The following SMIM29 variants were observed in gnomAD, a reference collection of about 807,000 sequenced individuals.
The protein encoded by SMIM29 is small integral membrane protein 29.
Under a neutral mutation model 12.9 loss-of-function variants are expected in SMIM29, and 4 were observed. The observed-to-expected ratio is 0.31, with a 90% CI of 0.15 to 0.71. The LOEUF (loss-of-function observed/expected upper bound fraction) is 0.71, where lower values mean the gene tolerates loss of function less well. Ranked by LOEUF, SMIM29 falls within the 30% of genes least tolerant of loss-of-function variation. SMIM29 has a pLI of 0.70. For synonymous variants in SMIM29, 50 were observed against 52.0 expected (o/e 0.96, Z 0.17); for missense variants, 122 against 138.1 (o/e 0.88, Z 0.58).
At chr6:34,247,558 C>T in intron 2 of SMIM29, 66 bp from the exon 3 acceptor site, 4 of 1,541,190 alleles carry the variant, frequency 2.6e-6, no homozygotes, top group East Asian at 2.4e-5. Flanking sequence ...AGAGAGAGGC[C>T]CACCTCCACA....
At chr6:34,248,003 G>T in intron 1 of SMIM29, 139 bp from the exon 2 acceptor site, 1 of 1,225,506 alleles carries the variant, frequency 8.2e-7, no homozygotes, top group Non-Finnish European at 1.0e-6. Context: ...AGATGTACTG[G>T]GTGTGACCCT....
At chr6:34,246,949 A>T in intron 4 of SMIM29, 81 bp from the exon 5 acceptor site, 1 of 1,604,622 alleles carries the variant, frequency 6.2e-7, no homozygotes, top group Non-Finnish European at 8.5e-7. Context: ...CCAAGTAAGC[A>T]GAACCAGGCT....
chr6:34,247,004 C>T (rs1367328262), intron 4 of SMIM29, 40 bp downstream of exon 4: 3 of 1,613,620 alleles, frequency 1.9e-6, no homozygotes, highest in African/African-American at 2.7e-5. Flanking sequence ...GGGCTGACTC[C>T]CACCTTGCCT....
rs1762863269 is a variant in SMIM29 at position 34,247,781 on chromosome 6, G to A, written c.11C>T (p.Thr4Ile). The change falls in exon 2 of 5, where the codon ACC becomes ATC. Residue 4 changes from threonine (T) to isoleucine (I), a missense_variant. Thr to Ile is a moderately conservative substitution (Grantham distance 89). Transcript: ENST00000476320. ...GGCCTGGGGGGCATTGGGCACAGTG[G>A]TGTTACTCATGACATCAGCAGCCGG... The part of the protein sequence containing the change: MSN[T>I]TVPNAPQANS... 1 of 1,320,492 alleles carries A rather than the reference G, an allele frequency of 7.6e-7. No homozygotes were observed. Among genetic ancestry groups the A allele is most frequent in the Admixed American group, 3.7e-5 (1 of 27,076 alleles). 81.8% of individuals were successfully genotyped at this position (1,320,492 alleles called of 1,614,324 possible). A position where few individuals can be genotyped will look rare whatever the true frequency, so the allele number is the denominator to read the frequency against.
chr6:34,248,653 T>G, intron 1 of SMIM29: 1 of 985,416 alleles, frequency 1.0e-6, no homozygotes, highest in Non-Finnish European at 1.2e-6. Context: ...TTCGCTTGAG[T>G]CTCTATCAGA....
In SMIM29 at chr6:34,246,737, A is replaced by G. The variant is rs183559588; in HGVS notation, c.*66T>C. On this transcript the variant is annotated 3_prime_UTR_variant, in exon 5 of 5. Coordinates refer to ENST00000476320, the MANE Select transcript of SMIM29 (RefSeq NM_001008703.4). The stretch of plus-strand genomic sequence containing the variant: ...GGGGGAGCCAGGTGACAGCAGGGGA[A>G]GCAGATGGCAGGGCCCCAGGCAGTC... 2.5e-4 allele frequency: 409 copies of G among 1,613,728 alleles called. 5 individuals are homozygous for G. In the East Asian group the frequency reaches 8.7e-3, roughly 34 times the overall value.
chr6:34,246,430 G>T lies in SMIM29; in HGVS notation c.*373C>A. 1 of 1,401,602 alleles carries T rather than the reference G, an allele frequency of 7.1e-7. No homozygotes were observed. The highest frequency in any genetic ancestry group is 9.6e-7 in the Non-Finnish European group (1 of 1,043,788). The allele number at this position is 1,401,602 out of a possible 1,614,324, so 86.8% of individuals were successfully genotyped here. A position where few individuals can be genotyped will look rare whatever the true frequency, so the allele number is the denominator to read the frequency against. ...ACATTTTATTTACAAAATATATACTGAATACTATACATCTGGCCCCATCAC... is the reference window on the plus strand; with the variant it reads ...ACATTTTATTTACAAAATATATACTTAATACTATACATCTGGCCCCATCAC... On this transcript the variant is annotated 3_prime_UTR_variant, in exon 5 of 5. Transcript: ENST00000476320.
At chr6:34,248,770 G>C in intron 1 of SMIM29, 1 of 985,774 alleles carries the variant, frequency 1.0e-6, no homozygotes, top group South Asian at 4.7e-5. Flanking sequence ...GCATGCCAGG[G>C]TGGGGAGGGC....
chr6:34,246,774 G>C lies in SMIM29; in HGVS notation c.*29C>G. ...GGCCCCAGGCAGTCCAGGACCCCAG[G>C]CTCTGAAGGGTGGGGCAAGGGGGTC... is the stretch of plus-strand genomic sequence containing the variant. On this transcript the variant is annotated 3_prime_UTR_variant, in exon 5 of 5. Transcript: ENST00000476320. 1 of 1,613,444 alleles carries C rather than the reference G, an allele frequency of 6.2e-7. No individual in the cohort carries two copies. Among genetic ancestry groups the C allele is most frequent in the Non-Finnish European group, 8.5e-7 (1 of 1,180,016 alleles).
chr6:34,248,364 T>C (rs546710729), intron 1 of SMIM29: 2 of 985,398 alleles, frequency 2.0e-6, no homozygotes, highest in East Asian at 2.3e-4. Flanking sequence ...ATGCCTGAGT[T>C]CTATGCCCTT....
In SMIM29 at chr6:34,246,576, G is replaced by C. The variant is rs758014703; in HGVS notation, c.*227C>G. ...CCAGAAGGAAAGCCTCTTCCCATGA[G>C]TGCCTGTGGGTGGGCGGTGAGCTCA... On this transcript the variant is annotated 3_prime_UTR_variant, in exon 5 of 5. Transcript: ENST00000476320. 2 of 1,604,988 alleles carry C rather than the reference G, an allele frequency of 1.2e-6. No individual in the cohort carries two copies.
At chr6:34,248,359 T>C in intron 1 of SMIM29, 1 of 985,082 alleles carries the variant, frequency 1.0e-6, no homozygotes, top group Non-Finnish European at 1.2e-6. Context: ...GCTCCATGCC[T>C]GAGTTCTATG....
intron 4 of SMIM29, 87 bp downstream of exon 4, chr6:34,246,957 G>A: frequency 6.2e-7 from 1 of 1,607,290 alleles, no homozygotes; most frequent in South Asian, 1.1e-5. Context: ...GCAGAACCAG[G>A]CTCTGGTTTC....
chr6:34,247,364 T>A, intron 3 of SMIM29, 103 bp downstream of exon 3: 1 of 1,517,104 alleles, frequency 6.6e-7, no homozygotes, highest in Non-Finnish European at 8.9e-7. Context: ...TTCAGGCTTG[T>A]ATCAGGATGG....
Position 34,246,622 on chromosome 6 carries a change from G to C in SMIM29, c.*181C>G. On this transcript the variant is annotated 3_prime_UTR_variant, in exon 5 of 5. Transcript: ENST00000476320. ...GCTCAACACCCACAAAGGGCAGAAG[G>C]CCTGGGGGCAGTGAGGTGATGGTGA... The C allele has an allele frequency of 6.2e-7, 1 of 1,613,906 alleles. No individual in the cohort carries two copies. The highest frequency in any genetic ancestry group is 1.3e-5 in the African/African-American group (1 of 75,058).
chr6:34,247,550 A>T (rs1276790701), intron 2 of SMIM29, 58 bp from the exon 3 acceptor site: 2 of 1,545,888 alleles, frequency 1.3e-6, no homozygotes, highest in Admixed American at 4.0e-5. Context: ...CCACAGGCAG[A>T]GAGAGGCCCA....
rs1000396258 is a variant in SMIM29, at chr6:34,246,423, A to G, written c.*380T>C. 4.4e-6 allele frequency: 6 copies of G among 1,363,478 alleles called. No individual in the cohort carries two copies. Among genetic ancestry groups the G allele is most frequent in the Non-Finnish European group, 5.9e-6 (6 of 1,021,636 alleles). 84.5% of individuals were successfully genotyped at this position (1,363,478 alleles called of 1,614,324 possible). ...CCACAAAACATTTTATTTACAAAAT[A>G]TATACTGAATACTATACATCTGGCC... On this transcript the variant is annotated 3_prime_UTR_variant, in exon 5 of 5. Transcript: ENST00000476320.
intron 2 of SMIM29, 89 bp from the exon 3 acceptor site, chr6:34,247,581 T>C: frequency 1.3e-6 from 2 of 1,511,514 alleles, no homozygotes; most frequent in Non-Finnish European, 1.8e-6. Context: ...CTTCACTCCC[T>C]TAACAGGACA....
rs759079915 is a variant in SMIM29, at chr6:34,247,025, C to T, written c.243+19G>A. On this transcript the variant is annotated intron_variant, in intron 4 of 4. Coordinates refer to ENST00000476320, the MANE Select transcript of SMIM29 (RefSeq NM_001008703.4). ...ACTCCCACCTTGCCTCATTCTCCCC[C>T]TGGCCCCCAAGTGCTCACCTTGGGG... 24 of 1,613,900 alleles carry T rather than the reference C, an allele frequency of 1.5e-5. No homozygotes were observed. The highest frequency in any genetic ancestry group is 1.4e-5 in the Non-Finnish European group (17 of 1,180,012).
Sources: allele counts gnomAD v4.1 joint callset, GRCh38; gene constraint gnomAD v4.1.1; transcripts MANE v1.5; gene names NCBI Gene and HGNC (gene_info 2026-07-23, HGNC 2026-07-21).